The following PHACTR2 variants were observed in gnomAD, a reference collection of about 807,000 sequenced individuals.
The protein encoded by PHACTR2 is phosphatase and actin regulator 2.
PHACTR2 carries 30 observed loss-of-function variants against 76.0 expected under a neutral mutation model. The ratio of observed to expected loss-of-function variants is 0.39; its 90% confidence interval spans 0.30 to 0.54. The LOEUF (loss-of-function observed/expected upper bound fraction) is 0.54. PHACTR2 is among the 20% of genes least tolerant of loss of function. The pLI, the probability that PHACTR2 is intolerant of heterozygous loss-of-function variation, is 0.61. For missense variants in PHACTR2, 696 were observed against 781.1 expected, an observed-to-expected ratio of 0.89 and a Z score of 1.30; for synonymous variants, 292 against 292.5, an observed-to-expected ratio of 1.00 and a Z score of 0.02.
chr6:143,756,043 A>G (rs574901633), intron 4 of PHACTR2, among the ~76,000 whole-genome samples: 3 of 152,122 alleles, frequency 2.0e-5, no homozygotes, highest in East Asian at 3.9e-4. Context: ...CATGAAGCCA[A>G]CTTATTCAAG....
At chr6:143,796,179 T>C (rs1775816343) in intron 11 of PHACTR2, among the ~76,000 whole-genome samples, 1 of 152,210 alleles carries the variant, frequency 6.6e-6, no homozygotes, top group Admixed American at 6.5e-5. Flanking sequence ...GCCCTGTTCA[T>C]TGATGCCTTA....
chr6:143,575,293 T>TA (rs764198637), intron 1 of PHACTR2, among the ~76,000 whole-genome samples: 1 of 152,234 alleles, frequency 6.6e-6, no homozygotes. Context: ...AAAAATAACT[T>TA]ACCATATTCC....
At position 143,819,411 on chromosome 6, in the gene PHACTR2, A is replaced by G. The variant is rs951966732; in HGVS notation, c.1923-4263A>G. Among the ~76,000 whole-genome samples, 1 of 152,230 alleles carries G rather than the reference A, an allele frequency of 6.6e-6. No individual in the cohort carries two copies. The highest frequency in any genetic ancestry group is 2.4e-5 in the African/African-American group (1 of 41,448). ...GTATCTGTCTGAGTTCTCCAGAGAA[A>G]CAAAACCAATAAGATATATGTATAT... On this transcript the variant is annotated intron_variant, in intron 12 of 12. Coordinates refer to ENST00000440869, the MANE Select transcript of PHACTR2 (RefSeq NM_001100164.2). This position sits in a 1 kb window ranked among gnomAD's most constrained non-coding sequence, Gnocchi z 5.0.
At position 143,683,932 on chromosome 6, in the gene PHACTR2, C is replaced by G. The variant is rs1777455945; in HGVS notation, c.46+5723C>G. ...CAGCAGTCAAACAAGACATACTATACTTACTGCTCTATACTTTGAATTTTT... is the reference window on the plus strand; with the variant it reads ...CAGCAGTCAAACAAGACATACTATAGTTACTGCTCTATACTTTGAATTTTT... On this transcript the variant is annotated intron_variant, in intron 1 of 12. Transcript: ENST00000440869. The surrounding 1 kb of genome is among the most constrained non-coding windows in gnomAD (Gnocchi z 4.1). Among the ~76,000 whole-genome samples, 1 of 152,158 alleles carries G rather than the reference C, an allele frequency of 6.6e-6. No individual in the cohort carries two copies. Among genetic ancestry groups the G allele is most frequent in the Non-Finnish European group, 1.5e-5 (1 of 68,038 alleles).
Position 143,591,799 on chromosome 6 carries a change from C to A in PHACTR2, c.217+54592C>A, listed in dbSNP as rs928908814. Among the ~76,000 whole-genome samples the A allele has an allele frequency of 2.0e-5, 3 of 152,212 alleles. No homozygotes were observed. The highest frequency in any genetic ancestry group is 4.4e-5 in the Non-Finnish European group (3 of 68,034). On this transcript the variant is annotated intron_variant, in intron 1 of 11. Coordinates refer to the PHACTR2 transcript ENST00000367584. The surrounding 1 kb of genome is among the most constrained non-coding windows in gnomAD (Gnocchi z 6.4). The stretch of plus-strand genomic sequence containing the variant: ...TCCCAGGGTAGGGAATGTGGAGCCA[C>A]CTGGAACCCAGACATCCTTTCCTAT...
At position 143,591,931 on chromosome 6, in the gene PHACTR2, G is replaced by A. The variant is rs1261069622; in HGVS notation, c.217+54724G>A. On this transcript the variant is annotated intron_variant, in intron 1 of 11. Coordinates refer to the PHACTR2 transcript ENST00000367584. The surrounding 1 kb of genome is among the most constrained non-coding windows in gnomAD (Gnocchi z 6.4). Reference sequence around the variant, plus strand: ...TCCCTAGATCTATTTTTAGGAGATTGAAGGCAGATTGTACTTCTGGTCTTC... The same window carrying A: ...TCCCTAGATCTATTTTTAGGAGATTAAAGGCAGATTGTACTTCTGGTCTTC... Among the ~76,000 whole-genome samples the A allele has an allele frequency of 6.6e-6, 1 of 152,350 alleles. No individual in the cohort carries two copies. Among genetic ancestry groups the A allele is most frequent in the East Asian group, 1.9e-4 (1 of 5,178 alleles).
intron 2 of PHACTR2, among the ~76,000 whole-genome samples, chr6:143,736,176 A>G (rs149456144): frequency 2.0e-5 from 3 of 152,270 alleles, no homozygotes; most frequent in African/African-American, 7.2e-5. Flanking sequence ...TTTTGTCGAA[A>G]TGGAGTCTCA....
At chr6:143,812,107 G>A (rs1030504022) in intron 12 of PHACTR2, among the ~76,000 whole-genome samples, 5 of 151,902 alleles carry the variant, frequency 3.3e-5, no homozygotes, top group African/African-American at 9.7e-5. Flanking sequence ...TCCTCTTCTC[G>A]GGCACCTCTT....
chr6:143,771,460 G>A (rs1038203393), intron 6 of PHACTR2, among the ~76,000 whole-genome samples: 1 of 150,456 alleles, frequency 6.6e-6, no homozygotes, highest in Non-Finnish European at 1.5e-5. Context: ...TTTTGAGACG[G>A]AGTTTTGCTC....
In PHACTR2 at chr6:143,774,368, C is replaced by T. The variant is rs1458801975; in HGVS notation, c.1589+153C>T. ...AGTTGGTCTTGCATGATGAAACACT[C>T]GAAGAACCTGTCCTTTGGCCCAGCT... On this transcript the variant is annotated intron_variant, in intron 8 of 12. Coordinates refer to ENST00000440869, the MANE Select transcript of PHACTR2 (RefSeq NM_001100164.2). This position sits in a 1 kb window ranked among gnomAD's most constrained non-coding sequence, Gnocchi z 5.4. Among the ~76,000 whole-genome samples the T allele has an allele frequency of 3.3e-5, 5 of 152,172 alleles. No individual in the cohort carries two copies. Among genetic ancestry groups the T allele is most frequent in the Admixed American group, 6.5e-5 (1 of 15,278 alleles).
Position 143,708,540 on chromosome 6 carries a change from A to G in PHACTR2, c.47-3476A>G, listed in dbSNP as rs1778102310. Among the ~76,000 whole-genome samples, 1 of 152,212 alleles carries G rather than the reference A, an allele frequency of 6.6e-6. No individual in the cohort carries two copies. Among genetic ancestry groups the G allele is most frequent in the South Asian group, 2.1e-4 (1 of 4,826 alleles). On this transcript the variant is annotated intron_variant, in intron 1 of 12. Coordinates refer to ENST00000440869, the MANE Select transcript of PHACTR2 (RefSeq NM_001100164.2). The surrounding 1 kb of genome is among the most constrained non-coding windows in gnomAD (Gnocchi z 5.5). ...TTATCTGCATGTAAATGCAAAATTC[A>G]CCAGACTTACTGTGAAATAATTTAT...
intron 2 of PHACTR2, among the ~76,000 whole-genome samples, chr6:143,726,876 T>G (rs959019957): frequency 8.5e-5 from 13 of 152,232 alleles, no homozygotes; most frequent in African/African-American, 2.9e-4. Context: ...TCCATTCATA[T>G]ACTGGGTCAT....
At chr6:143,769,085 G>A (rs896293554) in intron 6 of PHACTR2, among the ~76,000 whole-genome samples, 4 of 152,158 alleles carry the variant, frequency 2.6e-5, no homozygotes, top group Admixed American at 6.5e-5. Context: ...ATTTTATGAA[G>A]AGACTTCTGT....
chr6:143,563,670 T>G (rs1775316867), intron 1 of PHACTR2, among the ~76,000 whole-genome samples: 2 of 151,900 alleles, frequency 1.3e-5, no homozygotes, highest in Admixed American at 6.6e-5. Flanking sequence ...TGCAAAATCA[T>G]CAGCAGCAAG....
intron 1 of PHACTR2, among the ~76,000 whole-genome samples, chr6:143,701,508 A>T (rs890147582): frequency 5.9e-5 from 9 of 152,210 alleles, no homozygotes; most frequent in Admixed American, 5.2e-4. Context: ...GATTAGCCCA[A>T]TAAGTGGCTG....
In PHACTR2 at chr6:143,710,581, C is replaced by T. The variant is rs145906760; in HGVS notation, c.47-1435C>T. 9.3e-3 allele frequency among the ~76,000 whole-genome samples: 1,419 copies of T among 152,246 alleles called. 44 individuals are homozygous for T. Among genetic ancestry groups the T allele is most frequent in the Admixed American group, 0.05 (767 of 15,294 alleles). ...GGTGGCATGTGCCTGTAGTCAGTCC[C>T]AGCTGCTTGGGAGGCTGAGGCAGGA... On this transcript the variant is annotated intron_variant, in intron 1 of 12. Transcript: ENST00000440869. This position sits in a 1 kb window ranked among gnomAD's most constrained non-coding sequence, Gnocchi z 4.9.
chr6:143,771,169 T>C (rs1416264845), intron 6 of PHACTR2, among the ~76,000 whole-genome samples: 1 of 28,220 alleles, frequency 3.5e-5, no homozygotes, highest in African/African-American at 2.1e-4. Context: ...TATATATATA[T>C]ATATGTATAT....
At position 143,776,506 on chromosome 6, in the gene PHACTR2, A is replaced by G. The variant is rs563263994; in HGVS notation, c.1590-822A>G. On this transcript the variant is annotated intron_variant, in intron 8 of 12. Coordinates refer to ENST00000440869, the MANE Select transcript of PHACTR2 (RefSeq NM_001100164.2). This position sits in a 1 kb window ranked among gnomAD's most constrained non-coding sequence, Gnocchi z 5.3. ...GCAACAACCGCATTTTAAATACTTAACTATTCACAGGCAGAAGTCCGTAGT... is the reference window on the plus strand; with the variant it reads ...GCAACAACCGCATTTTAAATACTTAGCTATTCACAGGCAGAAGTCCGTAGT... Among the ~76,000 whole-genome samples, 19 of 152,336 alleles carry G rather than the reference A, an allele frequency of 1.2e-4. No homozygotes were observed. The highest frequency in any genetic ancestry group is 2.6e-4 in the Non-Finnish European group (18 of 68,032).
At chr6:143,637,364 AG>A (rs1419509903) in intron 1 of PHACTR2, among the ~76,000 whole-genome samples, 1 of 152,156 alleles carries the variant, frequency 6.6e-6, no homozygotes, top group Non-Finnish European at 1.5e-5. Context: ...GAAGGAAAAA[AG>A]GATGAAGGAA....
Sources: gnomAD v4.1 joint callset for allele counts (sites outside exome capture counted in the v4.1 genomes callset) on GRCh38, gnomAD v4.1.1 for gene constraint, Gnocchi (gnomAD v3.1) non-coding constraint, MANE v1.5 for transcripts, NCBI Gene and HGNC (gene_info 2026-07-23, HGNC 2026-07-21) for gene names.